The following TLE4 variants were observed in gnomAD, a reference collection of about 807,000 sequenced individuals.
The protein encoded by TLE4 is TLE family member 4, transcriptional corepressor.
A neutral mutation model predicts 92.8 loss-of-function variants in TLE4; 8 were observed. That is an observed-to-expected ratio of 0.09 (90% CI 0.05 to 0.16). The LOEUF is 0.16. Ranked by LOEUF, TLE4 falls within the 10% of genes least tolerant of loss-of-function variation. The pLI is 1.00. For missense variants in TLE4, 675 were observed against 997.6 expected (o/e 0.68, Z 4.36); for synonymous variants, 371 against 374.1 (o/e 0.99, Z 0.10).
At chr9:79,711,197 C>T (rs7023168) in intron 14 of TLE4, among the ~76,000 whole-genome samples, 134,961 of 152,196 alleles carry the variant, frequency 0.89, 59,833 homozygotes, top group Admixed American at 0.9. Context: ...GCTGGCTCCA[C>T]AGCCAAGTTG....
chr9:79,620,446 TC>T (rs1333259072), intron 5 of TLE4, among the ~76,000 whole-genome samples: 1 of 152,138 alleles, frequency 6.6e-6, no homozygotes, highest in Admixed American at 6.5e-5. Context: ...GAATGCCCTG[TC>T]CCCATGTAAG....
intron 8 of TLE4, among the ~76,000 whole-genome samples, chr9:79,665,636 C>T (rs902102553): frequency 4.6e-5 from 7 of 152,152 alleles, no homozygotes; most frequent in African/African-American, 7.2e-5. Context: ...AACGTTCTGT[C>T]GACTCCCAAT....
At chr9:79,696,669 A>G (rs2068342868) in intron 8 of TLE4, among the ~76,000 whole-genome samples, 1 of 152,190 alleles carries the variant, frequency 6.6e-6, no homozygotes, top group Non-Finnish European at 1.5e-5. Flanking sequence ...AAAAATAGCA[A>G]CATGAAAAGA....
chr9:79,610,301 C>T (rs900902003), intron 4 of TLE4, among the ~76,000 whole-genome samples: 8 of 152,016 alleles, frequency 5.3e-5, no homozygotes, highest in Non-Finnish European at 8.8e-5. Context: ...TTGGGCCCCA[C>T]GCCATTATAT....
At chr9:79,624,008 G>C (rs2051793329) in intron 5 of TLE4, among the ~76,000 whole-genome samples, 1 of 152,046 alleles carries the variant, frequency 6.6e-6, no homozygotes, top group South Asian at 2.1e-4. Flanking sequence ...GCAGGAAGTA[G>C]AAGAGGAAAT....
At chr9:79,700,857 C>T (rs1052389085) in intron 8 of TLE4, among the ~76,000 whole-genome samples, 1 of 152,034 alleles carries the variant, frequency 6.6e-6, no homozygotes, top group African/African-American at 2.4e-5. Flanking sequence ...CACACATACA[C>T]ACACACACGC....
chr9:79,723,051 T>G lies in TLE4; in HGVS notation c.2214+16T>G. Reference sequence around the variant, plus strand: ...TATATTCCAGGTAACATGGAACTTGTTAACTACCACTTATGTTTGTTTAAT... The same window carrying G: ...TATATTCCAGGTAACATGGAACTTGGTAACTACCACTTATGTTTGTTTAAT... On this transcript the variant is annotated intron_variant, in intron 19 of 19. Coordinates refer to ENST00000376552, the MANE Select transcript of TLE4 (RefSeq NM_007005.6). 6.2e-7 allele frequency: 1 copy of G among 1,606,462 alleles called. No homozygotes were observed. Among genetic ancestry groups the G allele is most frequent in the Non-Finnish European group, 8.5e-7 (1 of 1,173,234 alleles).
intron 4 of TLE4, among the ~76,000 whole-genome samples, chr9:79,600,447 G>A (rs897296549): frequency 6.6e-6 from 1 of 151,906 alleles, no homozygotes; most frequent in African/African-American, 2.4e-5. Context: ...GAATGGTAGT[G>A]GACTTTGTGT....
At chr9:79,634,379 A>G (rs141757431) in intron 6 of TLE4, among the ~76,000 whole-genome samples, 1,712 of 152,066 alleles carry the variant, frequency 0.011, 39 homozygotes, top group African/African-American at 0.039. Context: ...TAAAAAACAT[A>G]AGAATGAAGC....
At chr9:79,627,887 C>T (rs2053060519) in intron 6 of TLE4, 1 of 156,510 alleles carries the variant, frequency 6.4e-6, no homozygotes. Flanking sequence ...TTCTTCCTTC[C>T]CCTGTCATGA....
intron 6 of TLE4, among the ~76,000 whole-genome samples, chr9:79,632,904 G>T (rs1304750208): frequency 1.3e-5 from 2 of 152,132 alleles, no homozygotes; most frequent in Non-Finnish European, 2.9e-5. Context: ...TGCACAATGG[G>T]GGAAGGGGCT....
At chr9:79,623,770 C>G (rs1759115958) in intron 5 of TLE4, among the ~76,000 whole-genome samples, 1 of 146,228 alleles carries the variant, frequency 6.8e-6, no homozygotes, top group South Asian at 2.2e-4. Context: ...AATAATTGGG[C>G]ATTTGTTTTG....
chr9:79,677,620 TTTTTGTAA>T (rs889006293), intron 8 of TLE4, among the ~76,000 whole-genome samples: 1 of 151,872 alleles, frequency 6.6e-6, no homozygotes, highest in Non-Finnish European at 1.5e-5. Flanking sequence ...TTTTTTTTTT[TTTTTGTAA>T]AACAATTCTG....
intron 8 of TLE4, among the ~76,000 whole-genome samples, chr9:79,691,448 G>A (rs1431213135): frequency 1.3e-5 from 2 of 151,968 alleles, no homozygotes; most frequent in African/African-American, 2.4e-5. Flanking sequence ...ACTGTGATTC[G>A]AGCCTCCTCT....
At chr9:79,599,746 CAT>C (rs2045103125) in intron 4 of TLE4, among the ~76,000 whole-genome samples, 1 of 152,198 alleles carries the variant, frequency 6.6e-6, no homozygotes, top group Non-Finnish European at 1.5e-5. Flanking sequence ...ACATCTGCAA[CAT>C]GTGGTATAGA....
In TLE4 at chr9:79,701,034, C is replaced by A. The variant is rs573691567; in HGVS notation, c.610-3749C>A. On this transcript the variant is annotated intron_variant, in intron 8 of 19. Transcript: ENST00000376552. The stretch of plus-strand genomic sequence containing the variant: ...AAATAAAAAATAATAAAATAAAAAG[C>A]TTTTCTAGTAAAAGCATGACTTTAT... Among the ~76,000 whole-genome samples, 103 of 152,130 alleles carry A rather than the reference C, an allele frequency of 6.8e-4. 3 individuals are homozygous for A. The highest frequency in any genetic ancestry group is 2.7e-3 in the Admixed American group (41 of 15,274).
At chr9:79,649,776 G>C (rs748371935) in intron 6 of TLE4, 23 of 1,349,168 alleles carry the variant, frequency 1.7e-5, no homozygotes, top group Non-Finnish European at 2.3e-5. Context: ...GAAAAGTTCT[G>C]GTCCAATGGA....
chr9:79,604,754 G>A (rs2046419826), intron 4 of TLE4, among the ~76,000 whole-genome samples: 1 of 152,100 alleles, frequency 6.6e-6, no homozygotes, highest in South Asian at 2.1e-4. Flanking sequence ...ACTGAGTAAG[G>A]ACGATTAGTC....
chr9:79,627,777 A>ACCCC, intron 6 of TLE4: 1 of 252,594 alleles, frequency 4.0e-6, no homozygotes. Context: ...CCTGACGTTA[A>ACCCC]AATGACCTGG....
Sources: gnomAD v4.1 joint callset for allele counts (sites outside exome capture counted in the v4.1 genomes callset) on GRCh38, gnomAD v4.1.1 for gene constraint, MANE v1.5 for transcripts, NCBI Gene and HGNC (gene_info 2026-07-23, HGNC 2026-07-21) for gene names.